The following DHRSX variants were observed in gnomAD, a reference collection of about 807,000 sequenced individuals.
The protein encoded by DHRSX is polyprenol dehydrogenase.
DHRSX carries 31 observed loss-of-function variants against 34.0 expected under a neutral mutation model. The ratio of observed to expected loss-of-function variants is 0.91; its 90% CI spans 0.69 to 1.23. DHRSX has a LOEUF of 1.23. Ranked by LOEUF, DHRSX falls within the 50% of genes most tolerant of loss-of-function variation. DHRSX has a pLI of 0.00. For synonymous variants in DHRSX, 201 were observed against 183.8 expected, an observed-to-expected ratio of 1.09 and a Z score of -0.76; for missense variants, 414 against 428.1, an observed-to-expected ratio of 0.97 and a Z score of 0.29.
intron 1 of DHRSX, among the ~76,000 whole-genome samples, chrX:2,491,990 G>A (rs1481279741): frequency 6.6e-6 from 1 of 152,194 alleles, no homozygotes; most frequent in Admixed American, 6.5e-5. Flanking sequence ...AGGTGTAATT[G>A]TGTCTCCAAG....
intron 1 of DHRSX, among the ~76,000 whole-genome samples, chrX:2,496,345 C>T (rs2045285072): frequency 6.6e-6 from 1 of 151,864 alleles, no homozygotes; most frequent in African/African-American, 2.4e-5. Context: ...ACTACAGGCG[C>T]ACACTGCCAC....
chrX:2,235,739 G>GAAA (rs765422799), intron 6 of DHRSX, among the ~76,000 whole-genome samples: 42 of 130,774 alleles, frequency 3.2e-4, no homozygotes, highest in African/African-American at 1.2e-3. Context: ...CATCTCAGGG[G>GAAA]AAAAAAAAAA....
intron 1 of DHRSX, among the ~76,000 whole-genome samples, chrX:2,497,833 T>C (rs1266175336): frequency 6.6e-6 from 1 of 152,202 alleles, no homozygotes; most frequent in South Asian, 2.1e-4. Flanking sequence ...TTACTCAATA[T>C]GATCATTTTC....
chrX:2,421,437 T>C (rs1424429111), intron 2 of DHRSX, among the ~76,000 whole-genome samples: 1 of 152,170 alleles, frequency 6.6e-6, no homozygotes, highest in Non-Finnish European at 1.5e-5. Flanking sequence ...TTTGCATTCA[T>C]GTTTTGCAAA....
At chrX:2,241,652 T>C (rs1225669424) in intron 6 of DHRSX, among the ~76,000 whole-genome samples, 2 of 151,992 alleles carry the variant, frequency 1.3e-5, no homozygotes, top group Non-Finnish European at 2.9e-5. Context: ...CTCACACCTA[T>C]CATCCCAGCA....
At chrX:2,433,078 C>T (rs1218153278) in intron 1 of DHRSX, among the ~76,000 whole-genome samples, 4 of 151,798 alleles carry the variant, frequency 2.6e-5, no homozygotes, top group South Asian at 2.1e-4. Flanking sequence ...GAGCCAAGAT[C>T]GTGCCACTGC....
At chrX:2,476,322 C>G (rs1369298881) in intron 1 of DHRSX, among the ~76,000 whole-genome samples, 1 of 151,000 alleles carries the variant, frequency 6.6e-6, no homozygotes, top group Non-Finnish European at 1.5e-5. Context: ...TGCTTAAGCC[C>G]AGGAGATGTT....
At chrX:2,444,652 G>C (rs773223366) in intron 1 of DHRSX, among the ~76,000 whole-genome samples, 1 of 152,152 alleles carries the variant, frequency 6.6e-6, no homozygotes, top group African/African-American at 2.4e-5. Context: ...GAAACATAGT[G>C]AGACGCCATC....
intron 5 of DHRSX, among the ~76,000 whole-genome samples, chrX:2,249,117 G>A (rs1316070545): frequency 2.0e-5 from 3 of 151,974 alleles, no homozygotes; most frequent in African/African-American, 7.3e-5. Flanking sequence ...CAAAGGAAGG[G>A]CGTGCACATA....
intron 5 of DHRSX, among the ~76,000 whole-genome samples, chrX:2,265,761 T>TCC (rs1467536913): frequency 2.5e-5 from 1 of 39,708 alleles, no homozygotes; most frequent in Non-Finnish European, 5.0e-5. Flanking sequence ...CACCAGTGCT[T>TCC]GGCAGACGCA....
chrX:2,231,311 A>T (rs1298115229), intron 6 of DHRSX, among the ~76,000 whole-genome samples: 3 of 152,040 alleles, frequency 2.0e-5, no homozygotes, highest in Non-Finnish European at 4.4e-5. Flanking sequence ...CTTCTGTGGC[A>T]TTTCCAATGT....
chrX:2,407,459 G>A (rs1452554340), intron 3 of DHRSX, among the ~76,000 whole-genome samples: 2 of 152,210 alleles, frequency 1.3e-5, no homozygotes, highest in African/African-American at 2.4e-5. Flanking sequence ...CCCGGAGAGA[G>A]GGAGAGAGTA....
intron 3 of DHRSX, among the ~76,000 whole-genome samples, chrX:2,363,850 G>C (rs2042968633): frequency 1.3e-5 from 2 of 152,086 alleles, no homozygotes; most frequent in Admixed American, 1.3e-4. Flanking sequence ...CATCGAAGGA[G>C]ATGAGGGAAC....
chrX:2,303,619 A>G (rs67649315), intron 3 of DHRSX, among the ~76,000 whole-genome samples: 65,513 of 151,758 alleles, frequency 0.43, 14,771 homozygotes, highest in Middle Eastern at 0.55. Context: ...AAATCATCCA[A>G]TCTCAGGTAC....
intron 3 of DHRSX, among the ~76,000 whole-genome samples, chrX:2,386,967 AT>A (rs2043280202): frequency 6.7e-6 from 1 of 148,916 alleles, no homozygotes; most frequent in African/African-American, 2.5e-5. Context: ...CTGCTTCCTA[AT>A]TTTACTTTAT....
chrX:2,398,733 G>A (rs898657190), intron 3 of DHRSX, among the ~76,000 whole-genome samples: 13 of 148,746 alleles, frequency 8.7e-5, no homozygotes, highest in African/African-American at 3.2e-4. Context: ...GCAGTGGTGC[G>A]ATCTCGGCTC....
chrX:2,364,184 G>A (rs1411938849), intron 3 of DHRSX, among the ~76,000 whole-genome samples: 1 of 152,186 alleles, frequency 6.6e-6, no homozygotes, highest in East Asian at 1.9e-4. Context: ...AACTGGGCTG[G>A]CATCTGTAGG....
chrX:2,418,668 T>G (rs2043728827), intron 2 of DHRSX, among the ~76,000 whole-genome samples: 1 of 152,228 alleles, frequency 6.6e-6, no homozygotes, highest in Non-Finnish European at 1.5e-5. Context: ...CTCTTCATCC[T>G]ACTCCACCAT....
chrX:2,250,772 C>T (rs768190928), intron 5 of DHRSX, among the ~76,000 whole-genome samples: 1 of 152,268 alleles, frequency 6.6e-6, no homozygotes, highest in Admixed American at 6.5e-5. Flanking sequence ...CCAGAGAAGG[C>T]AGCCCAAGCA....
Sources: gnomAD v4.1 joint callset for allele counts (sites outside exome capture counted in the v4.1 genomes callset) on GRCh38, gnomAD v4.1.1 for gene constraint, MANE v1.5 for transcripts, NCBI Gene and HGNC (gene_info 2026-07-23, HGNC 2026-07-21) for gene names.